NAV2: variants seen among roughly 807,000 people sequenced by gnomAD.
NAV2 encodes helicase, APC down-regulated 1.
A neutral mutation model predicts 223.2 loss-of-function variants in NAV2; 54 were observed. That is an observed-to-expected ratio of 0.24 (90% CI 0.19 to 0.30). The LOEUF (loss-of-function observed/expected upper bound fraction) is 0.30. NAV2 is among the 10% of genes least tolerant of loss of function. The probability of loss-of-function intolerance (pLI) is 1.00; values close to 1 mark genes in which losing one functional copy is unlikely to be tolerated. For synonymous variants in NAV2, 1,279 were observed against 1,239.3 expected (o/e 1.03, Z -0.67); for missense variants, 2,806 against 3,147.5 (o/e 0.89, Z 2.60).
rs763390531 is a variant in NAV2, at chr11:19,933,206, C to T, written c.962C>T (p.Pro321Leu). 2.8e-5 allele frequency: 44 copies of T among 1,551,136 alleles called. No individual in the cohort carries two copies. In the African/African-American group the frequency reaches 4.8e-4, roughly 17 times the overall value. ...EPLASSASSH[P>L]GMSDNAPASL... ...TTGGCAAGTTCAGCCTCCTCCCACC[C>T]CGGAATGAGTGACAATGCACCTGCT... is the stretch of plus-strand genomic sequence containing the variant. Residue 321 changes from proline (P) to leucine (L), a missense_variant, in exon 7 of 38, where the codon CCC (proline) becomes CTC (leucine). Coordinates refer to ENST00000349880, the MANE Select transcript of NAV2 (RefSeq NM_145117.5). This position sits in a 1 kb window ranked among gnomAD's most constrained non-coding sequence, Gnocchi z 4.3.
chr11:19,966,382 A>T (rs1162648277), intron 10 of NAV2, among the ~76,000 whole-genome samples: 2 of 152,100 alleles, frequency 1.3e-5, no homozygotes, highest in East Asian at 3.9e-4. Context: ...CTTGTACATT[A>T]TGTATCCCCA....
At chr11:19,621,212 C>G (rs2046984231) in intron 1 of NAV2, among the ~76,000 whole-genome samples, 1 of 152,118 alleles carries the variant, frequency 6.6e-6, no homozygotes, top group Admixed American at 6.5e-5. Context: ...GGATATTGGT[C>G]TAAAATTCTC....
At chr11:19,570,604 C>G (rs1362595632) in intron 1 of NAV2, among the ~76,000 whole-genome samples, 2 of 151,998 alleles carry the variant, frequency 1.3e-5, no homozygotes, top group East Asian at 3.9e-4. Context: ...AATAAATAAA[C>G]CAATTAAAAA....
chr11:19,523,367 A>G (rs1468691766), intron 1 of NAV2, among the ~76,000 whole-genome samples: 1 of 150,834 alleles, frequency 6.6e-6, no homozygotes, highest in Non-Finnish European at 1.5e-5. Flanking sequence ...GGAACAGTGC[A>G]TCCCTCCTGT....
At chr11:20,048,626 C>A in intron 14 of NAV2, 102 bp from the exon 15 acceptor site, 1 of 974,764 alleles carries the variant, frequency 1.0e-6, no homozygotes, top group Non-Finnish European at 1.6e-6. Flanking sequence ...GTGCTTCCTT[C>A]CCCAGGAATT....
chr11:19,774,403 C>A (rs1397561118), intron 1 of NAV2, among the ~76,000 whole-genome samples: 1 of 152,156 alleles, frequency 6.6e-6, no homozygotes, highest in African/African-American at 2.4e-5. Flanking sequence ...TCTTGAAATC[C>A]TAGACTCAAG....
intron 1 of NAV2, among the ~76,000 whole-genome samples, chr11:19,703,375 CAG>C (rs2049566199): frequency 6.6e-6 from 1 of 152,206 alleles, no homozygotes; most frequent in African/African-American, 2.4e-5. Flanking sequence ...GGGGCAGAGT[CAG>C]AGGGTAGGCA....
chr11:20,087,371 T>C (rs1592079056), intron 26 of NAV2, among the ~76,000 whole-genome samples: 2 of 152,078 alleles, frequency 1.3e-5, no homozygotes, highest in Middle Eastern at 3.2e-3. Context: ...TTTGGTCTCG[T>C]TTTCCAAAGG....
intron 19 of NAV2, among the ~76,000 whole-genome samples, chr11:20,057,402 C>T (rs2058432422): frequency 6.6e-6 from 1 of 152,078 alleles, no homozygotes; most frequent in African/African-American, 2.4e-5. Context: ...TGAACAGGCA[C>T]AAGTCTGTAA....
At chr11:19,383,104 T>C (rs994496120) in intron 1 of NAV2, among the ~76,000 whole-genome samples, 4 of 152,184 alleles carry the variant, frequency 2.6e-5, no homozygotes, top group African/African-American at 4.8e-5. Flanking sequence ...GAAATCCCAT[T>C]TGCCTTCAAT....
At chr11:19,941,989 T>C (rs1444710824) in intron 8 of NAV2, among the ~76,000 whole-genome samples, 9 of 152,188 alleles carry the variant, frequency 5.9e-5, no homozygotes, top group Non-Finnish European at 8.8e-5. Context: ...TTTGATATCC[T>C]CCAAGCTCAG....
At chr11:19,970,205 G>T (rs1022863736) in intron 10 of NAV2, among the ~76,000 whole-genome samples, 1 of 152,158 alleles carries the variant, frequency 6.6e-6, no homozygotes, top group Admixed American at 6.5e-5. Context: ...GTCTTGCTCT[G>T]TTGCCCAGGG....
chr11:19,611,464 C>T (rs1236481224), intron 1 of NAV2, among the ~76,000 whole-genome samples: 2 of 152,158 alleles, frequency 1.3e-5, no homozygotes, highest in Non-Finnish European at 2.9e-5. Flanking sequence ...GTCCCTTCTG[C>T]CTATGAGCCT....
intron 1 of NAV2, among the ~76,000 whole-genome samples, chr11:19,770,258 AAT>A (rs1168253425): frequency 2.8e-4 from 3 of 10,630 alleles, no homozygotes; most frequent in Admixed American, 2.4e-3. Flanking sequence ...AGTTTAAAAA[AAT>A]ATTTTTTTTT....
Position 19,551,573 on chromosome 11 carries a change from A to G in NAV2, c.75+200546A>G, listed in dbSNP as rs60825517. Among the ~76,000 whole-genome samples, 1,246 of 152,360 alleles carry G rather than the reference A, an allele frequency of 8.2e-3. 17 individuals carry two copies. The highest frequency in any genetic ancestry group is 0.028 in the African/African-American group (1,145 of 41,588). ...GTCAGCTCCCTCCCTGTTATGTTGC[A>G]GAACATTGGAACTGGCAAAGCTGAT... On this transcript the variant is annotated intron_variant, in intron 1 of 37. Coordinates refer to the NAV2 transcript ENST00000360655.
chr11:19,926,098 G>A (rs993976885), intron 6 of NAV2, among the ~76,000 whole-genome samples: 4 of 152,084 alleles, frequency 2.6e-5, no homozygotes, highest in Admixed American at 1.3e-4. Flanking sequence ...ATAGATTTCT[G>A]TATGTCTGGA....
chr11:19,623,376 A>G (rs2047066334), intron 1 of NAV2, among the ~76,000 whole-genome samples: 1 of 152,070 alleles, frequency 6.6e-6, no homozygotes, highest in East Asian at 1.9e-4. Flanking sequence ...ACTTGGTTCC[A>G]TTCTCCCCGT....
intron 1 of NAV2, among the ~76,000 whole-genome samples, chr11:19,754,732 T>C (rs1446079640): frequency 1.3e-5 from 2 of 152,218 alleles, no homozygotes; most frequent in African/African-American, 4.8e-5. Flanking sequence ...ATAAAAATAT[T>C]GGTACCCAAT....
At chr11:20,093,718 A>G (rs2061019391) in intron 29 of NAV2, among the ~76,000 whole-genome samples, 1 of 152,132 alleles carries the variant, frequency 6.6e-6, no homozygotes. Context: ...TGACTCCCCA[A>G]GGCTGGGGAA....
Sources: allele counts gnomAD v4.1 joint callset (sites outside exome capture counted in the v4.1 genomes callset), GRCh38; gene constraint gnomAD v4.1.1; non-coding constraint Gnocchi (gnomAD v3.1); transcripts MANE v1.5; gene names NCBI Gene and HGNC (gene_info 2026-07-23, HGNC 2026-07-21).